The following GYPE variants were observed in gnomAD, a reference collection of about 807,000 sequenced individuals.
GYPE encodes the protein glycophorin E (MNS blood group).
Under a neutral mutation model 11.6 loss-of-function variants are expected in GYPE, and 8 were observed. The observed-to-expected ratio is 0.69, with a 90% CI of 0.41 to 1.25. The LOEUF is 1.25. Ranked by LOEUF, GYPE falls within the 50% of genes most tolerant of loss-of-function variation. The pLI, the probability that GYPE is intolerant of heterozygous loss-of-function variation, is 0.01. For missense variants in GYPE, 90 were observed against 92.8 expected (o/e 0.97, Z 0.12); for synonymous variants, 28 against 29.6 (o/e 0.94, Z 0.18).
At chr4:143,892,442 C>T (rs1328071771) in intron 1 of GYPE, among the ~76,000 whole-genome samples, 9 of 151,346 alleles carry the variant, frequency 5.9e-5, no homozygotes, top group African/African-American at 4.9e-5. Context: ...CTCTTGTGGG[C>T]ATTTAGTGCT....
intron 1 of GYPE, among the ~76,000 whole-genome samples, chr4:143,902,564 C>G (rs993514114): frequency 5.9e-5 from 9 of 151,636 alleles, no homozygotes; most frequent in African/African-American, 2.2e-4. Flanking sequence ...CTTCTTGCCT[C>G]CCTCTCTCTC....
At chr4:143,903,534 A>AG (rs1578984349) in intron 1 of GYPE, among the ~76,000 whole-genome samples, 1 of 149,160 alleles carries the variant, frequency 6.7e-6, no homozygotes, top group Non-Finnish European at 1.5e-5. Flanking sequence ...CAAAAAAAAA[A>AG]AAAAAAAAGA....
At chr4:143,900,256 C>A (rs1448639330) in intron 1 of GYPE, among the ~76,000 whole-genome samples, 2 of 125,586 alleles carry the variant, frequency 1.6e-5, no homozygotes, top group African/African-American at 5.7e-5. Context: ...CCATTTCATA[C>A]CCTCTGAAAT....
At chr4:143,878,746 C>T (rs759982835) in intron 2 of GYPE, 15 of 456,872 alleles carry the variant, frequency 3.3e-5, no homozygotes, top group Middle Eastern at 3.3e-4. Context: ...ATTTTGGAAT[C>T]GAACTGTTCT....
chr4:143,878,874 T>G (rs1181834092), intron 2 of GYPE, among the ~76,000 whole-genome samples: 2 of 152,200 alleles, frequency 1.3e-5, no homozygotes, highest in Non-Finnish European at 2.9e-5. Context: ...GTATCTACTT[T>G]TAATGACCCA....
At chr4:143,901,106 A>T (rs1744848643) in intron 1 of GYPE, among the ~76,000 whole-genome samples, 1 of 152,166 alleles carries the variant, frequency 6.6e-6, no homozygotes, top group African/African-American at 2.4e-5. Flanking sequence ...ACGGAACCTA[A>T]CCTGCTGTAT....
rs1378663293 is a variant in GYPE at position 143,891,319 on chromosome 4, T to G, written c.38-10810A>C. Among the ~76,000 whole-genome samples, 3 of 14,928 alleles carry G rather than the reference T, an allele frequency of 2.0e-4. No individual in the cohort carries two copies. The East Asian group carries it at 0.19, about 933-fold the overall frequency. The allele number at this position is 14,928 out of a possible 152,430, so 9.8% of individuals were successfully genotyped here. ...ACATGTTATTATTATTATTTTGATT[T>G]TTTTTGTTTCTTTTTTTTTTTTTTT... is the stretch of plus-strand genomic sequence containing the variant. On this transcript the variant is annotated intron_variant, in intron 1 of 3. Transcript: ENST00000358615.
At chr4:143,901,354 T>C (rs1484274357) in intron 1 of GYPE, among the ~76,000 whole-genome samples, 3 of 152,160 alleles carry the variant, frequency 2.0e-5, no homozygotes, top group Non-Finnish European at 4.4e-5. Context: ...TTTTAAAATA[T>C]ATTAAAACTT....
At chr4:143,904,934 T>C (rs7656602) in intron 1 of GYPE, among the ~76,000 whole-genome samples, 147,880 of 152,192 alleles carry the variant, frequency 0.97, 72,010 homozygotes, top group East Asian at 1. Context: ...TCACATGACA[T>C]CTAAGCCAGT....
chr4:143,882,330 C>T (rs1020013193), intron 1 of GYPE, among the ~76,000 whole-genome samples: 1 of 151,432 alleles, frequency 6.6e-6, no homozygotes, highest in Admixed American at 6.6e-5. Flanking sequence ...CAGAAAGAAA[C>T]ATCTTTATGA....
chr4:143,900,750 T>C (rs1426356545), intron 1 of GYPE, among the ~76,000 whole-genome samples: 2 of 152,206 alleles, frequency 1.3e-5, no homozygotes, highest in African/African-American at 4.8e-5. Flanking sequence ...ACCTATTATA[T>C]GATTCCATTT....
intron 1 of GYPE, 36 bp from the exon 2 acceptor site, chr4:143,880,545 C>G (rs181185944): frequency 1.9e-6 from 3 of 1,613,310 alleles, no homozygotes; most frequent in Admixed American, 1.7e-5. Context: ...GGATTAAGAA[C>G]GAGGTGACTG....
chr4:143,884,022 A>G (rs1744155455), intron 1 of GYPE, among the ~76,000 whole-genome samples: 1 of 151,656 alleles, frequency 6.6e-6, no homozygotes, highest in Non-Finnish European at 1.5e-5. Flanking sequence ...GGGTGCTGCA[A>G]TTTTCTTTGT....
rs1325760246 is a variant in GYPE at position 143,871,345 on chromosome 4, T to A, written c.*917A>T. ...ATACAGGTAAGCCAATGTTACAGGA[T>A]GTTGTGGAACTATTCCTATTCTTCC... On this transcript the variant is annotated 3_prime_UTR_variant, in exon 4 of 4. Coordinates refer to ENST00000358615, the MANE Select transcript of GYPE (RefSeq NM_198682.3). The A allele has an allele frequency of 6.6e-6, 1 of 152,134 alleles. No individual in the cohort carries two copies. Among genetic ancestry groups the A allele is most frequent in the Non-Finnish European group, 1.5e-5 (1 of 68,028 alleles). The allele number at this position is 152,134 out of a possible 1,614,324, so 9.4% of individuals were successfully genotyped here. A position where few individuals can be genotyped will look rare whatever the true frequency, so the allele number is the denominator to read the frequency against.
chr4:143,885,362 T>A (rs1744191341), intron 1 of GYPE, among the ~76,000 whole-genome samples: 1 of 152,180 alleles, frequency 6.6e-6, no homozygotes, highest in South Asian at 2.1e-4. Flanking sequence ...CTTATTTAGA[T>A]AAGTTTTGAG....
At position 143,905,554 on chromosome 4, in the gene GYPE, A is replaced by G; in HGVS notation, c.-47T>C. ...CTGAAGTTAGTGCAAAAAAACTACCAAAGACAACTGCAAGTGTCAGTGTCT... is the reference window on the plus strand; with the variant it reads ...CTGAAGTTAGTGCAAAAAAACTACCGAAGACAACTGCAAGTGTCAGTGTCT... On this transcript the variant is annotated 5_prime_UTR_variant, in exon 1 of 4. Transcript: ENST00000358615. The G allele has an allele frequency of 6.2e-7, 1 of 1,612,512 alleles. No individual in the cohort carries two copies. Among genetic ancestry groups the G allele is most frequent in the African/African-American group, 1.3e-5 (1 of 74,964 alleles).
rs530937494 is a variant in GYPE at position 143,882,429 on chromosome 4, C to T, written c.38-1920G>A. 8.5e-5 allele frequency among the ~76,000 whole-genome samples: 13 copies of T among 152,166 alleles called. No homozygotes were observed. The East Asian group carries it at 9.6e-4, about 11-fold the overall frequency. Reference sequence around the variant, plus strand: ...CTTAATAAATGTTAGATATGAGCTTCGGCTTATTTGTAGATAATGGAATAT... The same window carrying T: ...CTTAATAAATGTTAGATATGAGCTTTGGCTTATTTGTAGATAATGGAATAT... On this transcript the variant is annotated intron_variant, in intron 1 of 3. Transcript: ENST00000358615.
intron 1 of GYPE, among the ~76,000 whole-genome samples, chr4:143,901,065 T>G (rs543182264): frequency 2.3e-4 from 35 of 152,336 alleles, no homozygotes; most frequent in African/African-American, 8.2e-4. Flanking sequence ...TATATCACTG[T>G]TGGTTTTTAT....
chr4:143,905,387 T>A (rs538461498), intron 1 of GYPE, 84 bp downstream of exon 1: 1 of 1,598,990 alleles, frequency 6.3e-7, no homozygotes, highest in East Asian at 2.2e-5. Context: ...TTAAATAAGA[T>A]AGAACTAAAA....
Sources: allele counts gnomAD v4.1 joint callset (sites outside exome capture counted in the v4.1 genomes callset), GRCh38; gene constraint gnomAD v4.1.1; transcripts MANE v1.5; gene names NCBI Gene and HGNC (gene_info 2026-07-23, HGNC 2026-07-21).